The following TEAD4 variants were observed in gnomAD, a reference collection of about 807,000 sequenced individuals.
TEAD4 encodes the protein transcriptional enhancer factor TEF-3.
Under a neutral mutation model 52.4 loss-of-function variants are expected in TEAD4, and 36 were observed. The ratio of observed to expected loss-of-function variants is 0.69; its 90% CI spans 0.53 to 0.91. TEAD4 has a LOEUF of 0.91. TEAD4 is among the 40% of genes least tolerant of loss of function. TEAD4 has a pLI of 0.00. For missense variants in TEAD4, 508 were observed against 583.9 expected, an observed-to-expected ratio of 0.87 and a Z score of 1.34; for synonymous variants, 220 against 231.0, an observed-to-expected ratio of 0.95 and a Z score of 0.43.
At chr12:3,003,352 T>C (rs1427444902) in intron 3 of TEAD4, among the ~76,000 whole-genome samples, 1 of 152,188 alleles carries the variant, frequency 6.6e-6, no homozygotes, top group Non-Finnish European at 1.5e-5. Context: ...CGTGCTTTAC[T>C]TACTCCATGC....
intron 2 of TEAD4, among the ~76,000 whole-genome samples, chr12:2,961,438 C>T (rs2098215217): frequency 6.6e-6 from 1 of 152,072 alleles, no homozygotes; most frequent in African/African-American, 2.4e-5. Flanking sequence ...CTCCTCCATC[C>T]ATCCTGAGGA....
chr12:3,011,029 C>T lies in TEAD4; in HGVS notation c.252C>T (p.Tyr84=), dbSNP rs752240846. The stretch of plus-strand genomic sequence containing the variant: ...GTCGGAACGAGCTGATTGCCCGCTA[C>T]ATCAAGCTCCGGACAGGGAAGACCC... The change falls in exon 4 of 13, where the codon TAC becomes TAT. Residue 84 remains tyrosine (Y), a synonymous_variant. Coordinates refer to ENST00000359864, the MANE Select transcript of TEAD4 (RefSeq NM_003213.4). The T allele has an allele frequency of 4.3e-6, 7 of 1,614,160 alleles. No individual in the cohort carries two copies. The Admixed American group carries it at 5.0e-5, about 12-fold the overall frequency.
chr12:2,987,416 GTTTGT>G (rs112231928), intron 2 of TEAD4, among the ~76,000 whole-genome samples: 142,624 of 150,128 alleles, frequency 0.95, 68,171 homozygotes, highest in Non-Finnish European at 1. Context: ...TGTTTTTTTT[GTTTGT>G]TTTGTTTTGT....
intron 2 of TEAD4, among the ~76,000 whole-genome samples, chr12:2,992,002 G>T (rs2098243389): frequency 6.8e-6 from 1 of 147,528 alleles, no homozygotes; most frequent in Non-Finnish European, 1.5e-5. Context: ...GGGGGTTGGG[G>T]GGGGCGGTTC....
intron 3 of TEAD4, among the ~76,000 whole-genome samples, chr12:3,001,165 T>G (rs925518948): frequency 6.6e-6 from 1 of 152,236 alleles, no homozygotes; most frequent in Non-Finnish European, 1.5e-5. Context: ...CATTTTCCTT[T>G]TGTAAAGTGG....
At chr12:3,007,847 A>C (rs2098257169) in intron 3 of TEAD4, among the ~76,000 whole-genome samples, 1 of 152,262 alleles carries the variant, frequency 6.6e-6, no homozygotes, top group Admixed American at 6.5e-5. Context: ...AGGATAGGAC[A>C]GCGCCTTAAG....
chr12:3,008,634 G>A (rs987523224), intron 3 of TEAD4, among the ~76,000 whole-genome samples: 5 of 152,136 alleles, frequency 3.3e-5, no homozygotes, highest in African/African-American at 1.2e-4. Flanking sequence ...GTGCGGTGGT[G>A]CACAGTGGCT....
chr12:3,023,983 T>C (rs2098270446), intron 10 of TEAD4, among the ~76,000 whole-genome samples: 1 of 152,166 alleles, frequency 6.6e-6, no homozygotes, highest in Non-Finnish European at 1.5e-5. Flanking sequence ...CATTTCATTA[T>C]GGTAGAAAAA....
intron 2 of TEAD4, among the ~76,000 whole-genome samples, chr12:2,987,407 GT>G (rs1168144912): frequency 8.4e-6 from 1 of 118,370 alleles, no homozygotes; most frequent in Non-Finnish European, 1.8e-5. Context: ...GAATCAGCTT[GT>G]TTTTTTTGTT....
intron 10 of TEAD4, among the ~76,000 whole-genome samples, chr12:3,029,391 C>T (rs2098274086): frequency 6.6e-6 from 1 of 152,082 alleles, no homozygotes; most frequent in Non-Finnish European, 1.5e-5. Flanking sequence ...GCGCCCGCCA[C>T]CACGCCCAGC....
chr12:3,027,061 C>T (rs1177570869), intron 10 of TEAD4, among the ~76,000 whole-genome samples: 5 of 151,708 alleles, frequency 3.3e-5, no homozygotes, highest in African/African-American at 7.3e-5. Flanking sequence ...GGTGTGATCT[C>T]GGCTCACTGC....
chr12:2,982,438 C>T (rs1050872183), intron 2 of TEAD4, among the ~76,000 whole-genome samples: 2 of 152,218 alleles, frequency 1.3e-5, no homozygotes, highest in African/African-American at 4.8e-5. Context: ...CAGCGCATGG[C>T]CCAGCTCCAC....
At chr12:3,038,138 G>C in intron 11 of TEAD4, 30 bp downstream of exon 11, 1 of 1,599,840 alleles carries the variant, frequency 6.3e-7, no homozygotes, top group Admixed American at 1.7e-5. Flanking sequence ...GGTGAGGGCC[G>C]GTGGCAGTGG....
chr12:3,027,434 C>T (rs146632551), intron 10 of TEAD4, among the ~76,000 whole-genome samples: 12 of 152,192 alleles, frequency 7.9e-5, no homozygotes, highest in African/African-American at 2.9e-4. Context: ...TACAGTTCAC[C>T]TACTTAAAAC....
chr12:2,979,391 T>C (rs528084148), intron 2 of TEAD4, among the ~76,000 whole-genome samples: 2 of 152,290 alleles, frequency 1.3e-5, no homozygotes, highest in South Asian at 4.1e-4. Context: ...TGGGACCACT[T>C]GAGGCAGCAA....
intron 10 of TEAD4, among the ~76,000 whole-genome samples, chr12:3,030,226 A>G (rs2098274678): frequency 1.3e-5 from 2 of 152,188 alleles, no homozygotes; most frequent in Non-Finnish European, 2.9e-5. Context: ...TCATAGAGAC[A>G]GGGTCTTGCT....
chr12:2,990,732 C>T (rs1372917091), intron 2 of TEAD4, among the ~76,000 whole-genome samples: 2 of 152,132 alleles, frequency 1.3e-5, no homozygotes, highest in Non-Finnish European at 1.5e-5. Flanking sequence ...TCCCAAAGTA[C>T]TGGGATTACA....
chr12:3,017,011 C>T, intron 5 of TEAD4: 1 of 450,378 alleles, frequency 2.2e-6, no homozygotes. Flanking sequence ...GATGATGCTT[C>T]CTGTGCACTC....
chr12:3,017,282 C>G (rs1319656330), intron 5 of TEAD4, 116 bp from the exon 6 acceptor site: 1 of 1,370,146 alleles, frequency 7.3e-7, no homozygotes, highest in Non-Finnish European at 1.0e-6. Context: ...AACGCCTGGT[C>G]CCCCAGCTCT....
Sources: allele counts gnomAD v4.1 joint callset (sites outside exome capture counted in the v4.1 genomes callset), GRCh38; gene constraint gnomAD v4.1.1; transcripts MANE v1.5; gene names NCBI Gene and HGNC (gene_info 2026-07-23, HGNC 2026-07-21).